Variants in ANKRD30A observed in about 807,000 individuals in gnomAD.
The protein encoded by ANKRD30A is ankyrin repeat domain 30A.
A neutral mutation model predicts 166.3 loss-of-function variants in ANKRD30A; 170 were observed. The ratio of observed to expected loss-of-function variants is 1.02; its 90% CI spans 0.90 to 1.16. The LOEUF is 1.16. Among genes scored for constraint, ANKRD30A ranks in the 50% most tolerant of loss-of-function variants. ANKRD30A has a pLI of 0.00. For synonymous variants in ANKRD30A, 564 were observed against 508.9 expected, an observed-to-expected ratio of 1.11 and a Z score of -1.46; for missense variants, 1,630 against 1,518.0, an observed-to-expected ratio of 1.07 and a Z score of -1.23.
chr10:37,223,296 G>T (rs1842977551), intron 34 of ANKRD30A, among the ~76,000 whole-genome samples: 1 of 150,376 alleles, frequency 6.6e-6, no homozygotes, highest in African/African-American at 2.4e-5. Flanking sequence ...TTTATCTAAA[G>T]AAAAATGGTT....
chr10:37,265,399 C>A, the ANKRD30A span, among the ~76,000 whole-genome samples: 1 of 152,120 alleles, frequency 6.6e-6, no homozygotes, highest in Admixed American at 6.5e-5. Flanking sequence ...GTCCTTAGAC[C>A]CCAAAAACAG....
At chr10:37,172,112 G>A (rs1171866090) in intron 21 of ANKRD30A, among the ~76,000 whole-genome samples, 1 of 132,306 alleles carries the variant, frequency 7.6e-6, no homozygotes, top group Non-Finnish European at 1.6e-5. Context: ...TTGGGAGGCC[G>A]TGACTGGCAG....
chr10:37,207,011 T>C (rs1326693710), intron 31 of ANKRD30A, among the ~76,000 whole-genome samples: 1 of 152,174 alleles, frequency 6.6e-6, no homozygotes, highest in Non-Finnish European at 1.5e-5. Flanking sequence ...GAAAGTTTTT[T>C]ATACATTATT....
intron 19 of ANKRD30A, among the ~76,000 whole-genome samples, chr10:37,167,969 C>T (rs1324692838): frequency 1.1e-5 from 1 of 89,640 alleles, no homozygotes; most frequent in African/African-American, 4.6e-5. Flanking sequence ...TAGCATTCTA[C>T]GTTCAGCTTT....
At chr10:37,184,071 G>A (rs1463042826) in intron 24 of ANKRD30A, among the ~76,000 whole-genome samples, 2 of 151,408 alleles carry the variant, frequency 1.3e-5, no homozygotes, top group African/African-American at 4.8e-5. Flanking sequence ...CTTGGAGCTT[G>A]GTCTGAGTAG....
At chr10:37,132,179 A>G in intron 3 of ANKRD30A, 61 bp from the exon 4 acceptor site, 1 of 1,165,362 alleles carries the variant, frequency 8.6e-7, no homozygotes, top group South Asian at 1.7e-5. Flanking sequence ...TATATAAGGT[A>G]TTCAGTTCAG....
rs1222413731 is a variant in ANKRD30A, at chr10:37,151,969, G to T, written c.1646-91G>T. 6 of 1,182,346 alleles carry T rather than the reference G, an allele frequency of 5.1e-6. No individual in the cohort carries two copies. The East Asian group carries it at 1.5e-4, about 30-fold the overall frequency. 73.2% of individuals were successfully genotyped at this position (1,182,346 alleles called of 1,614,324 possible). Reference sequence around the variant, plus strand: ...TACGGGCCACAGAGGAAAAACCACAGATTCGTGAATGAAAGTAGATTTGTA... The same window carrying T: ...TACGGGCCACAGAGGAAAAACCACATATTCGTGAATGAAAGTAGATTTGTA... On this transcript the variant is annotated intron_variant, in intron 11 of 35. Coordinates refer to ENST00000361713, the MANE Select transcript of ANKRD30A (RefSeq NM_052997.3).
intron 31 of ANKRD30A, among the ~76,000 whole-genome samples, 193 bp from the exon 32 acceptor site, chr10:37,215,988 C>T (rs1448731464): frequency 6.7e-6 from 1 of 150,258 alleles, no homozygotes; most frequent in Non-Finnish European, 1.5e-5. Context: ...CTTTGCTTTT[C>T]AGTATATTTT....
intron 25 of ANKRD30A, among the ~76,000 whole-genome samples, chr10:37,191,385 C>T (rs1222585059): frequency 1.3e-5 from 2 of 151,960 alleles, no homozygotes; most frequent in African/African-American, 4.8e-5. Flanking sequence ...GAACTCTCAT[C>T]CGAACTGTGT....
intron 24 of ANKRD30A, chr10:37,178,423 C>G (rs1449080971): frequency 4.5e-6 from 3 of 666,458 alleles, no homozygotes; most frequent in Admixed American, 1.3e-4. Context: ...ACAATTCACA[C>G]TGAGATTCAG....
the ANKRD30A span, chr10:37,240,934 G>A: frequency 9.9e-5 from 15 of 152,096 alleles, no homozygotes; most frequent in Non-Finnish European, 2.2e-4. Context: ...TCACGTGGTT[G>A]TTGAATAAAT....
chr10:37,247,849 T>G, the ANKRD30A span, among the ~76,000 whole-genome samples: 3 of 140,942 alleles, frequency 2.1e-5, no homozygotes, highest in Non-Finnish European at 4.5e-5. Flanking sequence ...GCCACTGTAC[T>G]CCAGCCTGGG....
At chr10:37,253,080 A>G in the ANKRD30A span, among the ~76,000 whole-genome samples, 1 of 152,222 alleles carries the variant, frequency 6.6e-6, no homozygotes, top group Non-Finnish European at 1.5e-5. Context: ...TTTTTCACCA[A>G]TCAAAGTTTT....
chr10:37,227,781 A>G lies in ANKRD30A; in HGVS notation c.4186-3680A>G, dbSNP rs1157693574. Among the ~76,000 whole-genome samples, 3 of 152,060 alleles carry G rather than the reference A, an allele frequency of 2.0e-5. No individual in the cohort carries two copies. In the East Asian group the frequency reaches 5.8e-4, roughly 30 times the overall value. ...CCCATTTCTATCAAATCTTGGTCAC[A>G]TCATCTGACAGTCTACTATTTCATG... On this transcript the variant is annotated intron_variant, in intron 34 of 35. Transcript: ENST00000361713.
the ANKRD30A span, among the ~76,000 whole-genome samples, chr10:37,250,050 A>G: frequency 4.6e-5 from 7 of 152,036 alleles, no homozygotes; most frequent in Non-Finnish European, 7.4e-5. Context: ...TGGCATATCT[A>G]TGATGTAAGA....
At chr10:37,253,247 G>T in the ANKRD30A span, among the ~76,000 whole-genome samples, 3 of 152,164 alleles carry the variant, frequency 2.0e-5, no homozygotes, top group African/African-American at 7.2e-5. Context: ...AAAATGTGCT[G>T]TATCTGTGCT....
At chr10:37,262,710 T>C in the ANKRD30A span, among the ~76,000 whole-genome samples, 3 of 152,232 alleles carry the variant, frequency 2.0e-5, no homozygotes, top group African/African-American at 7.2e-5. Flanking sequence ...CCAAATTCTC[T>C]TGGTGATTTA....
intron 30 of ANKRD30A, 67 bp from the exon 31 acceptor site, chr10:37,201,167 GA>G: frequency 1.6e-6 from 2 of 1,274,432 alleles, no homozygotes; most frequent in South Asian, 1.4e-5. Flanking sequence ...TTTTAATTAG[GA>G]AATTTTGATA....
downstream of ANKRD30A, chr10:37,232,693 T>G (rs1167390225): frequency 0.03 from 271 of 9,116 alleles, 7 homozygotes; most frequent in African/African-American, 0.063. Flanking sequence ...TATATATATA[T>G]AAATAGAGAG....
Sources: gnomAD v4.1 joint callset for allele counts (sites outside exome capture counted in the v4.1 genomes callset) on GRCh38, gnomAD v4.1.1 for gene constraint, MANE v1.5 for transcripts, NCBI Gene and HGNC (gene_info 2026-07-23, HGNC 2026-07-21) for gene names.